Variants in TDRD5 observed in about 807,000 individuals in gnomAD.
The protein encoded by TDRD5 is tudor domain containing 5.
Under a neutral mutation model 120.6 loss-of-function variants are expected in TDRD5, and 41 were observed. The ratio of observed to expected loss-of-function variants is 0.34; its 90% CI spans 0.26 to 0.44. TDRD5 has a LOEUF of 0.44. TDRD5 is among the 20% of genes least tolerant of loss of function. TDRD5 has a pLI of 1.00. For synonymous variants in TDRD5, 430 were observed against 433.7 expected, an observed-to-expected ratio of 0.99 and a Z score of 0.11; for missense variants, 1,006 against 1,221.2, an observed-to-expected ratio of 0.82 and a Z score of 2.63.
intron 7 of TDRD5, among the ~76,000 whole-genome samples, chr1:179,632,524 C>G (rs1232336228): frequency 6.6e-6 from 1 of 151,302 alleles, no homozygotes; most frequent in Admixed American, 6.6e-5. Context: ...ATTATTTTAT[C>G]CACCCCCCCA....
intron 7 of TDRD5, 78 bp downstream of exon 7, chr1:179,630,998 C>A: frequency 7.3e-7 from 1 of 1,362,536 alleles, no homozygotes; most frequent in Non-Finnish European, 1.0e-6. Context: ...GAAATAATGC[C>A]TAGCCATGAA....
intron 4 of TDRD5, among the ~76,000 whole-genome samples, chr1:179,607,375 A>T (rs1256201691): frequency 6.6e-6 from 1 of 152,062 alleles, no homozygotes; most frequent in African/African-American, 2.4e-5. Flanking sequence ...TGAATAAAGG[A>T]CAGTTTTATT....
intron 4 of TDRD5, among the ~76,000 whole-genome samples, chr1:179,614,575 C>T (rs1389795895): frequency 6.6e-6 from 1 of 151,976 alleles, no homozygotes; most frequent in African/African-American, 2.4e-5. Flanking sequence ...GGTTGTCATC[C>T]ATAAGAATTG....
At chr1:179,608,221 T>A (rs530434157) in intron 4 of TDRD5, among the ~76,000 whole-genome samples, 1 of 152,122 alleles carries the variant, frequency 6.6e-6, no homozygotes, top group East Asian at 1.9e-4. Context: ...TCTCTTTGTT[T>A]GGTTTTCCAC....
chr1:179,598,090 T>C (rs1189865486), intron 4 of TDRD5, among the ~76,000 whole-genome samples: 2 of 152,216 alleles, frequency 1.3e-5, no homozygotes, highest in East Asian at 1.9e-4. Context: ...GGCTATATGG[T>C]ATAGCCTATT....
At chr1:179,656,025 C>G (rs1456741611) in intron 14 of TDRD5, among the ~76,000 whole-genome samples, 1 of 152,116 alleles carries the variant, frequency 6.6e-6, no homozygotes, top group Non-Finnish European at 1.5e-5. Context: ...AAACTTTTTT[C>G]CAGAGTGGCT....
intron 4 of TDRD5, among the ~76,000 whole-genome samples, chr1:179,597,508 T>A (rs1482326964): frequency 6.6e-6 from 1 of 151,900 alleles, no homozygotes; most frequent in African/African-American, 2.4e-5. Flanking sequence ...ATTTTTGTAT[T>A]TTTATTAGAG....
chr1:179,676,258 A>G (rs1227923368), intron 17 of TDRD5, among the ~76,000 whole-genome samples: 1 of 152,206 alleles, frequency 6.6e-6, no homozygotes, highest in Non-Finnish European at 1.5e-5. Context: ...GTGTTAGGCA[A>G]GTCTCCTGAA....
At chr1:179,626,957 T>C (rs544004204) in intron 6 of TDRD5, among the ~76,000 whole-genome samples, 1 of 152,130 alleles carries the variant, frequency 6.6e-6, no homozygotes, top group South Asian at 2.1e-4. Context: ...TCTGACAATA[T>C]CAACTCAGAA....
At chr1:179,664,927 G>A (rs1679488697) in intron 16 of TDRD5, among the ~76,000 whole-genome samples, 1 of 152,016 alleles carries the variant, frequency 6.6e-6, no homozygotes, top group Non-Finnish European at 1.5e-5. Context: ...AGTGTATGAG[G>A]GTTCCAGTTC....
At chr1:179,594,865 A>T (rs1224150278) in intron 3 of TDRD5, among the ~76,000 whole-genome samples, 1 of 152,206 alleles carries the variant, frequency 6.6e-6, no homozygotes, top group Non-Finnish European at 1.5e-5. Context: ...TTGAAGTCCT[A>T]AAACTTGGGA....
intron 6 of TDRD5, among the ~76,000 whole-genome samples, chr1:179,624,560 G>T (rs1161935049): frequency 6.6e-6 from 1 of 152,048 alleles, no homozygotes; most frequent in Admixed American, 6.6e-5. Context: ...TAACTTATTA[G>T]GTCAAAATAC....
At chr1:179,688,626 A>G (rs974599448) in intron 17 of TDRD5, among the ~76,000 whole-genome samples, 1 of 152,170 alleles carries the variant, frequency 6.6e-6, no homozygotes, top group Non-Finnish European at 1.5e-5. Context: ...CCTGGATAAT[A>G]TCCTGCAGAG....
chr1:179,593,985 T>A, intron 3 of TDRD5, 118 bp downstream of exon 3: 1 of 1,285,202 alleles, frequency 7.8e-7, no homozygotes, highest in Non-Finnish European at 1.1e-6. Flanking sequence ...CTGAGTGGTC[T>A]CAGGCGAACT....
At chr1:179,688,154 A>G (rs569191253) in intron 17 of TDRD5, among the ~76,000 whole-genome samples, 5 of 152,104 alleles carry the variant, frequency 3.3e-5, no homozygotes, top group Non-Finnish European at 5.9e-5. Flanking sequence ...GGTCTTTACA[A>G]TTTGGCACGT....
At chr1:179,659,523 T>C (rs2102089321) in intron 14 of TDRD5, among the ~76,000 whole-genome samples, 1 of 151,330 alleles carries the variant, frequency 6.6e-6, no homozygotes, top group Non-Finnish European at 1.5e-5. Flanking sequence ...CATAATGCAC[T>C]GATATCAGTA....
rs553011488 is a variant in TDRD5 at position 179,647,081 on chromosome 1, A to G, written c.1801-3786A>G. Among the ~76,000 whole-genome samples, 35 of 150,524 alleles carry G rather than the reference A, an allele frequency of 2.3e-4. No individual in the cohort carries two copies. In the South Asian group the frequency reaches 3.0e-3, roughly 13 times the overall value. On this transcript the variant is annotated intron_variant, in intron 11 of 17. Coordinates refer to ENST00000444136, the MANE Select transcript of TDRD5 (RefSeq NM_001199085.3). ...CATCAAGCTACCAATGACTTTCTTC[A>G]CAGAATTGGAAAAAACTACTTTAAA... is the stretch of plus-strand genomic sequence containing the variant.
At chr1:179,621,199 C>G (rs577183529) in intron 6 of TDRD5, 108 bp downstream of exon 6, 3 of 892,712 alleles carry the variant, frequency 3.4e-6, no homozygotes, top group African/African-American at 3.5e-5. Context: ...TGCTCTAAAA[C>G]GGAAACATTT....
chr1:179,653,514 G>A lies in TDRD5; in HGVS notation c.2161-687G>A, dbSNP rs536940452. On this transcript the variant is annotated intron_variant, in intron 13 of 17. Transcript: ENST00000444136. ...TTGTATGCCCATAACACTTTCCAAA[G>A]CCTGAATTTTTCTTAGTCATTATTA... is the stretch of plus-strand genomic sequence containing the variant. Among the ~76,000 whole-genome samples, 9 of 152,182 alleles carry A rather than the reference G, an allele frequency of 5.9e-5. No individual in the cohort carries two copies. In the South Asian group the frequency reaches 1.9e-3, roughly 32 times the overall value.
Sources: gnomAD v4.1 joint callset for allele counts (sites outside exome capture counted in the v4.1 genomes callset) on GRCh38, gnomAD v4.1.1 for gene constraint, MANE v1.5 for transcripts, NCBI Gene and HGNC (gene_info 2026-07-23, HGNC 2026-07-21) for gene names.